CX3CR1: variants seen among roughly 807,000 people sequenced by gnomAD.
The protein encoded by CX3CR1 is CX3C chemokine receptor 1.
For synonymous variants in CX3CR1, 168 were observed against 178.5 expected (o/e 0.94, Z 0.47); for missense variants, 363 against 432.4 (o/e 0.84, Z 1.42).
At chr3:39,275,458 T>C (rs2040828706) in intron 1 of CX3CR1, among the ~76,000 whole-genome samples, 1 of 152,208 alleles carries the variant, frequency 6.6e-6, no homozygotes, top group African/African-American at 2.4e-5. Flanking sequence ...GTTACCCTAA[T>C]TACCAGGTAA....
upstream of CX3CR1, chr3:39,281,307 C>T: frequency 9.2e-7 from 1 of 1,082,528 alleles, no homozygotes; most frequent in Non-Finnish European, 1.1e-6. Flanking sequence ...CTTTCTGACA[C>T]TGGCCCCTCC....
At chr3:39,274,919 T>C (rs2040821879) in intron 1 of CX3CR1, among the ~76,000 whole-genome samples, 1 of 151,974 alleles carries the variant, frequency 6.6e-6, no homozygotes, top group South Asian at 2.1e-4. Context: ...TGGAGTGCAA[T>C]GGTGCCATCT....
Position 39,265,949 on chromosome 3 carries a change from C to A in CX3CR1, c.561G>T (p.Trp187Cys). 6.2e-7 allele frequency: 1 copy of A among 1,614,200 alleles called. No homozygotes were observed. The highest frequency in any genetic ancestry group is 8.5e-7 in the Non-Finnish European group (1 of 1,180,040). Residue 187 changes from tryptophan (W) to cysteine (C), a missense_variant, in exon 2 of 2, where the codon TGG becomes TGT. Physicochemically the swap from Trp to Cys is radical, Grantham distance 215. Transcript: ENST00000399220. ...GDYPEVLQEI[W>C]PVLRNVETNF... Reference sequence around the variant, plus strand: ...TTGTTTCCACATTGCGGAGCACGGGCCAGATTTCCTGGAGGACCTCGGGGT... The same window carrying A: ...TTGTTTCCACATTGCGGAGCACGGGACAGATTTCCTGGAGGACCTCGGGGT...
At position 39,263,633 on chromosome 3, in the gene CX3CR1, A is replaced by C. The variant is rs1437009378; in HGVS notation, c.*1809T>G. On this transcript the variant is annotated 3_prime_UTR_variant, in exon 2 of 2. Transcript: ENST00000399220. ...TCTCATTCATTATACAAACATATAGACTGCCAAAGAGCTATCAGATACACA... is the reference window on the plus strand; with the variant it reads ...TCTCATTCATTATACAAACATATAGCCTGCCAAAGAGCTATCAGATACACA... 1.3e-5 allele frequency: 2 copies of C among 152,252 alleles called. No individual in the cohort carries two copies. The highest frequency in any genetic ancestry group is 4.8e-5 in the African/African-American group (2 of 41,470). The allele number at this position is 152,252 out of a possible 1,614,324, so 9.4% of individuals were successfully genotyped here. A position where few individuals can be genotyped will look rare whatever the true frequency, so the allele number is the denominator to read the frequency against.
At chr3:39,280,144 C>G, upstream of CX3CR1, 1 of 975,160 alleles carries the variant, frequency 1.0e-6, no homozygotes, top group Non-Finnish European at 1.2e-6. Flanking sequence ...CTCAGATACT[C>G]CAGGGTGGAG....
intron 1 of CX3CR1, among the ~76,000 whole-genome samples, chr3:39,272,960 T>C (rs539930575): frequency 5.9e-5 from 9 of 152,352 alleles, no homozygotes; most frequent in African/African-American, 1.4e-4. Flanking sequence ...GGAGAAATGA[T>C]GATCCCCATG....
intron 1 of CX3CR1, among the ~76,000 whole-genome samples, chr3:39,274,256 T>A (rs1575209537): frequency 1.3e-5 from 2 of 152,104 alleles, no homozygotes; most frequent in East Asian, 3.8e-4. Flanking sequence ...TTATAACACA[T>A]ATCCCTTGGG....
intron 1 of CX3CR1, among the ~76,000 whole-genome samples, chr3:39,273,289 A>C (rs147481797): frequency 6.6e-6 from 1 of 152,266 alleles, no homozygotes; most frequent in African/African-American, 2.4e-5. Context: ...GGAATGCGGG[A>C]TATTATTTGC....
At chr3:39,281,002 C>A (rs1652315372), upstream of CX3CR1, 1 of 844,124 alleles carries the variant, frequency 1.2e-6, no homozygotes, top group Non-Finnish European at 1.4e-6. Context: ...CCCTCTGGCC[C>A]CTTGCTGCCC....
upstream of CX3CR1, among the ~76,000 whole-genome samples, chr3:39,284,088 G>A (rs935179014): frequency 7.3e-5 from 11 of 151,300 alleles, no homozygotes; most frequent in Admixed American, 2.0e-4. Context: ...ATATACACAC[G>A]CTATGTACCC....
At chr3:39,291,906 G>A in the CX3CR1 span, among the ~76,000 whole-genome samples, 1 of 152,240 alleles carries the variant, frequency 6.6e-6, no homozygotes, top group Non-Finnish European at 1.5e-5. Context: ...TGCCTTCGGG[G>A]TCTGCAGAGC....
intron 1 of CX3CR1, among the ~76,000 whole-genome samples, chr3:39,267,692 A>G (rs1387516361): frequency 2.0e-5 from 3 of 152,204 alleles, no homozygotes; most frequent in African/African-American, 7.2e-5. Flanking sequence ...AAGATGGAGG[A>G]TGGGGCTCCG....
rs566273491 is a variant in CX3CR1 at position 39,266,587 on chromosome 3, C to T, written c.-9-69G>A. 24 of 1,487,606 alleles carry T rather than the reference C, an allele frequency of 1.6e-5. No individual in the cohort carries two copies. In the South Asian group the frequency reaches 2.4e-4, roughly 15 times the overall value. The allele number at this position is 1,487,606 out of a possible 1,614,324, so 92.2% of individuals were successfully genotyped here. ...AAACAAAGTTGGAATTCTGTGTGGC[C>T]TCATATGTAGGCAGGCAGGAAGAAA... On this transcript the variant is annotated intron_variant, in intron 1 of 1. Coordinates refer to ENST00000399220, the MANE Select transcript of CX3CR1 (RefSeq NM_001337.4).
At chr3:39,270,382 A>G (rs564942085) in intron 1 of CX3CR1, among the ~76,000 whole-genome samples, 11 of 152,376 alleles carry the variant, frequency 7.2e-5, no homozygotes, top group East Asian at 5.8e-4. Context: ...AAATGAAGGG[A>G]AACAACCCCA....
intron 1 of CX3CR1, chr3:39,266,784 A>G: frequency 1.6e-6 from 1 of 636,656 alleles, no homozygotes. Flanking sequence ...ATTTGGCTCT[A>G]GGCATTTTTT....
intron 1 of CX3CR1, 37 bp downstream of exon 1, chr3:39,279,917 C>A: frequency 1.1e-6 from 1 of 946,570 alleles, no homozygotes; most frequent in Non-Finnish European, 1.3e-6. Context: ...ACTGCTCCAC[C>A]CCACCCACAG....
At chr3:39,286,077 T>TA (rs1417891370), upstream of CX3CR1, 14 of 152,210 alleles carry the variant, frequency 9.2e-5, no homozygotes, top group African/African-American at 3.4e-4. Context: ...CTGGCCAGGG[T>TA]ATAAGTGCAC....
At chr3:39,271,382 A>G (rs1374292659) in intron 1 of CX3CR1, among the ~76,000 whole-genome samples, 1 of 152,188 alleles carries the variant, frequency 6.6e-6, no homozygotes, top group Non-Finnish European at 1.5e-5. Context: ...TAAATGAATT[A>G]ATAAATAAGT....
chr3:39,284,974 G>A (rs1180141722), upstream of CX3CR1, among the ~76,000 whole-genome samples: 1 of 152,202 alleles, frequency 6.6e-6, no homozygotes, highest in Non-Finnish European at 1.5e-5. Flanking sequence ...AAAGCAATAT[G>A]CTGGGAGATT....
Sources: allele counts gnomAD v4.1 joint callset (sites outside exome capture counted in the v4.1 genomes callset), GRCh38; gene constraint gnomAD v4.1.1; transcripts MANE v1.5; gene names NCBI Gene and HGNC (gene_info 2026-07-23, HGNC 2026-07-21).